The following SAMD3 variants were observed in gnomAD, a reference collection of about 807,000 sequenced individuals.
SAMD3 encodes sterile alpha motif domain-containing protein 3.
In SAMD3, 63 loss-of-function variants were observed where a neutral mutation model predicts 58.5. The ratio of observed to expected loss-of-function variants is 1.08; its 90% CI spans 0.88 to 1.33. The LOEUF (loss-of-function observed/expected upper bound fraction) is 1.33. Among genes scored for constraint, SAMD3 ranks in the 40% most tolerant of loss-of-function variants. SAMD3 has a pLI of 0.00. For synonymous variants in SAMD3, 220 were observed against 210.3 expected, an observed-to-expected ratio of 1.05 and a Z score of -0.40; for missense variants, 604 against 608.4, an observed-to-expected ratio of 0.99 and a Z score of 0.08.
intron 8 of SAMD3, among the ~76,000 whole-genome samples, chr6:130,170,531 T>C (rs1582782052): frequency 2.0e-5 from 3 of 152,202 alleles, no homozygotes. Context: ...TGTAAATTAC[T>C]TTAGGCAGTA....
At chr6:130,234,730 C>T (rs983196251) in intron 2 of SAMD3, among the ~76,000 whole-genome samples, 1 of 152,184 alleles carries the variant, frequency 6.6e-6, no homozygotes, top group Non-Finnish European at 1.5e-5. Context: ...GATCCATGCT[C>T]TAATATTCAC....
intron 9 of SAMD3, among the ~76,000 whole-genome samples, chr6:130,150,624 C>T (rs892034375): frequency 6.6e-6 from 1 of 151,936 alleles, no homozygotes; most frequent in Non-Finnish European, 1.5e-5. Flanking sequence ...CAAACTTAGG[C>T]ATGGTTCTCA....
At chr6:130,244,052 T>C (rs1281383807) in intron 2 of SAMD3, among the ~76,000 whole-genome samples, 2 of 152,194 alleles carry the variant, frequency 1.3e-5, no homozygotes. Flanking sequence ...AAAAAGAAGA[T>C]AGATTTCAAA....
intron 5 of SAMD3, among the ~76,000 whole-genome samples, chr6:130,205,430 A>G (rs1459368836): frequency 6.6e-6 from 1 of 152,036 alleles, no homozygotes; most frequent in East Asian, 1.9e-4. Flanking sequence ...CTGCCTCTCA[A>G]GTATCTGGGA....
At chr6:130,314,495 T>C (rs1776292449) in intron 1 of SAMD3, among the ~76,000 whole-genome samples, 1 of 152,224 alleles carries the variant, frequency 6.6e-6, no homozygotes, top group East Asian at 1.9e-4. Context: ...AGACTTTCTC[T>C]TTAATTTACT....
At chr6:130,233,567 T>C (rs17058566) in intron 2 of SAMD3, among the ~76,000 whole-genome samples, 21,699 of 152,232 alleles carry the variant, frequency 0.14, 1,764 homozygotes, top group East Asian at 0.36. Context: ...AGCATCTGGT[T>C]GAGTTTCTAT....
At position 130,214,214 on chromosome 6, in the gene SAMD3, G is replaced by A. The variant is rs779524192; in HGVS notation, c.269+123C>T. 1.1e-4 allele frequency: 80 copies of A among 715,714 alleles called. 1 individual carries two copies. Among genetic ancestry groups the A allele is most frequent in the Admixed American group, 1.8e-4 (6 of 33,402 alleles). The allele number at this position is 715,714 out of a possible 1,614,324, so 44.3% of individuals were successfully genotyped here. A position where few individuals can be genotyped will look rare whatever the true frequency, so the allele number is the denominator to read the frequency against. ...CCTTTGCTCAAATATTAGAAATACCGTACATACAATCTAGCTGAAAACGGT... is the reference window on the plus strand; with the variant it reads ...CCTTTGCTCAAATATTAGAAATACCATACATACAATCTAGCTGAAAACGGT... On this transcript the variant is annotated intron_variant, in intron 4 of 11. Transcript: ENST00000439090.
Position 130,175,991 on chromosome 6 carries a change from G to A in SAMD3, c.672C>T (p.Ala224=). The A allele has an allele frequency of 6.2e-7, 1 of 1,612,002 alleles. No homozygotes were observed. Residue 224 remains alanine, a synonymous_variant, in exon 8 of 12, where the codon GCC becomes GCT. Coordinates refer to ENST00000439090, the MANE Select transcript of SAMD3 (RefSeq NM_001017373.4). ...GAACATATTTAAAGCGATCTTTGAG[G>A]GCTCGTTTCCATAAAAACTGTAAAA... ...DGCGFFLWKR[A]LKDRFKYVRR... is the part of the protein sequence containing the mutation.
chr6:130,185,495 A>AT (rs1426382008), intron 5 of SAMD3, among the ~76,000 whole-genome samples: 3 of 151,662 alleles, frequency 2.0e-5, no homozygotes, highest in Non-Finnish European at 2.9e-5. Context: ...CACCTGGCTA[A>AT]TTTTTTGTAT....
At chr6:130,289,094 A>G (rs995666126) in intron 2 of SAMD3, among the ~76,000 whole-genome samples, 4 of 152,184 alleles carry the variant, frequency 2.6e-5, no homozygotes, top group African/African-American at 7.2e-5. Flanking sequence ...AAATAACACA[A>G]TTAAGGGTGG....
At chr6:130,167,687 G>T (rs1176293267) in intron 8 of SAMD3, among the ~76,000 whole-genome samples, 2 of 152,170 alleles carry the variant, frequency 1.3e-5, no homozygotes, top group African/African-American at 4.8e-5. Flanking sequence ...AATTCATGGG[G>T]CTATACGCTC....
chr6:130,304,369 C>T (rs1775845350), intron 2 of SAMD3, among the ~76,000 whole-genome samples: 1 of 152,138 alleles, frequency 6.6e-6, no homozygotes, highest in African/African-American at 2.4e-5. Flanking sequence ...AGGGTTTCAC[C>T]ATGTTGGCCA....
intron 2 of SAMD3, among the ~76,000 whole-genome samples, chr6:130,250,393 C>A (rs780397731): frequency 1.3e-5 from 2 of 152,114 alleles, no homozygotes; most frequent in Non-Finnish European, 2.9e-5. Flanking sequence ...GTTATGCCTA[C>A]TAAATAGTAG....
chr6:130,257,504 A>G (rs1365395298), intron 2 of SAMD3, among the ~76,000 whole-genome samples: 2 of 152,188 alleles, frequency 1.3e-5, no homozygotes, highest in Admixed American at 6.5e-5. Flanking sequence ...TCCTGACAGT[A>G]TAAGAAAACC....
At chr6:130,226,577 A>G (rs938611987), upstream of SAMD3, among the ~76,000 whole-genome samples, 2 of 152,268 alleles carry the variant, frequency 1.3e-5, no homozygotes, top group African/African-American at 4.8e-5. Context: ...CTGTAATCCC[A>G]GCACTTTGGG....
exon 1 of SAMD3, chr6:130,365,327 T>C (rs756034322): frequency 8.1e-6 from 8 of 985,426 alleles, no homozygotes; most frequent in African/African-American, 3.5e-5. Context: ...TGTCTTCCAT[T>C]TCCCCCGCCC....
intron 2 of SAMD3, among the ~76,000 whole-genome samples, chr6:130,250,067 G>C (rs531109507): frequency 6.6e-6 from 1 of 152,254 alleles, no homozygotes; most frequent in African/African-American, 2.4e-5. Flanking sequence ...GAATGGAGAG[G>C]CACAGGAGCC....
intron 2 of SAMD3, among the ~76,000 whole-genome samples, chr6:130,287,217 C>T (rs1292489429): frequency 6.6e-6 from 1 of 152,176 alleles, no homozygotes; most frequent in Non-Finnish European, 1.5e-5. Flanking sequence ...AATTCTCATC[C>T]TTTGACACGC....
At chr6:130,162,867 CA>C (rs1288883070) in intron 8 of SAMD3, among the ~76,000 whole-genome samples, 1 of 152,190 alleles carries the variant, frequency 6.6e-6, no homozygotes, top group East Asian at 1.9e-4. Flanking sequence ...AGCCACTAGC[CA>C]CATGTGGCTT....
Sources: allele counts gnomAD v4.1 joint callset (sites outside exome capture counted in the v4.1 genomes callset), GRCh38; gene constraint gnomAD v4.1.1; transcripts MANE v1.5; gene names NCBI Gene and HGNC (gene_info 2026-07-23, HGNC 2026-07-21).